NRG1: variants seen among roughly 807,000 people sequenced by gnomAD.
NRG1 encodes pro-neuregulin-1, membrane-bound isoform.
Under a neutral mutation model 63.8 loss-of-function variants are expected in NRG1, and 18 were observed. That is an observed-to-expected ratio of 0.28 (90% CI 0.19 to 0.42). The LOEUF is 0.42. Among genes scored for constraint, NRG1 ranks in the 10% least tolerant of loss-of-function variants. The pLI, the probability that NRG1 is intolerant of heterozygous loss-of-function variation, is 1.00. For synonymous variants in NRG1, 302 were observed against 301.3 expected (o/e 1.00, Z -0.02); for missense variants, 762 against 814.7 (o/e 0.94, Z 0.79).
At chr8:32,153,247 GGAA>G (rs1837700167) in intron 1 of NRG1, among the ~76,000 whole-genome samples, 1 of 152,142 alleles carries the variant, frequency 6.6e-6, no homozygotes, top group Admixed American at 6.5e-5. Context: ...CATCAGTTGA[GGAA>G]GAAGAAGCAA....
chr8:32,577,429 T>C (rs1433772476), intron 1 of NRG1, among the ~76,000 whole-genome samples: 1 of 152,218 alleles, frequency 6.6e-6, no homozygotes, highest in East Asian at 1.9e-4. Flanking sequence ...GTCCCTGTCC[T>C]GCCACAGACA....
intron 1 of NRG1, among the ~76,000 whole-genome samples, chr8:31,848,715 T>C (rs929707902): frequency 5.3e-5 from 8 of 152,140 alleles, no homozygotes; most frequent in African/African-American, 1.9e-4. Context: ...ATGCAAGGGA[T>C]CTAGGTTGCA....
intron 1 of NRG1, among the ~76,000 whole-genome samples, chr8:32,054,859 CTTTCTTTTTTTTTTT>C (rs1409517453): frequency 0.011 from 781 of 70,492 alleles, 34 homozygotes; most frequent in African/African-American, 0.041. Context: ...AGATTTCTTT[CTTTCTTTTTTTTTTT>C]TTTTTTTTTT....
Position 32,740,278 on chromosome 8 carries a change from C to T in NRG1, c.633-2397C>T, listed in dbSNP as rs1238983462. 2.0e-5 allele frequency among the ~76,000 whole-genome samples: 3 copies of T among 148,776 alleles called. No homozygotes were observed. In the East Asian group the frequency reaches 6.0e-4, roughly 30 times the overall value. On this transcript the variant is annotated intron_variant, in intron 6 of 11. Coordinates refer to ENST00000356819, the Ensembl canonical transcript of NRG1. ...TGGCACGATCTCAGCTTACTGCAAC[C>T]TCTGCCTCCCGGGTTCAAGTGATTC...
At chr8:32,102,892 A>AC (rs1209839994) in intron 1 of NRG1, among the ~76,000 whole-genome samples, 10 of 151,898 alleles carry the variant, frequency 6.6e-5, no homozygotes, top group Non-Finnish European at 1.3e-4. Context: ...TTTTTTTTTA[A>AC]TTTTTAATTT....
intron 1 of NRG1, among the ~76,000 whole-genome samples, chr8:32,524,067 G>A (rs1318159787): frequency 6.6e-6 from 1 of 151,974 alleles, no homozygotes; most frequent in Non-Finnish European, 1.5e-5. Context: ...CAGGAGGATT[G>A]TTTGAGCTCA....
chr8:31,693,497 T>TAA (rs5890595), intron 1 of NRG1, among the ~76,000 whole-genome samples: 42,912 of 145,224 alleles, frequency 0.3, 6,860 homozygotes, highest in Non-Finnish European at 0.36. Flanking sequence ...TAAAATGCAG[T>TAA]AAAAAAAAAA....
chr8:32,681,636 A>G (rs753860735), intron 5 of NRG1, among the ~76,000 whole-genome samples: 1 of 152,186 alleles, frequency 6.6e-6, no homozygotes, highest in East Asian at 1.9e-4. Context: ...ACAACAAAAC[A>G]GTTTTACAGC....
chr8:32,235,507 A>G lies in NRG1; in HGVS notation c.38-360321A>G, dbSNP rs1554661097. ...TCAAACATCTGTTTACATAAATAGCATCTTCTTATAAAAAAATACAAATTC... is the reference window on the plus strand; with the variant it reads ...TCAAACATCTGTTTACATAAATAGCGTCTTCTTATAAAAAAATACAAATTC... On this transcript the variant is annotated intron_variant, in intron 1 of 10. Coordinates refer to the NRG1 transcript ENST00000519301. Among the ~76,000 whole-genome samples, 6 of 152,238 alleles carry G rather than the reference A, an allele frequency of 3.9e-5. No individual in the cohort carries two copies. In the South Asian group the frequency reaches 6.2e-4, roughly 16 times the overall value.
chr8:32,720,559 T>C (rs895582190), intron 5 of NRG1, among the ~76,000 whole-genome samples: 11 of 152,184 alleles, frequency 7.2e-5, no homozygotes, highest in Non-Finnish European at 1.3e-4. Flanking sequence ...GTAGAAAATA[T>C]GTAGCAGAAC....
At chr8:32,056,315 G>C (rs1822929326) in intron 1 of NRG1, among the ~76,000 whole-genome samples, 1 of 152,086 alleles carries the variant, frequency 6.6e-6, no homozygotes, top group African/African-American at 2.4e-5. Context: ...TACCTGGCTG[G>C]CCTTGCCGAG....
intron 1 of NRG1, among the ~76,000 whole-genome samples, chr8:32,180,794 A>G (rs893098769): frequency 6.6e-6 from 1 of 152,028 alleles, no homozygotes; most frequent in African/African-American, 2.4e-5. Flanking sequence ...GCAATTTTTG[A>G]CTGTGTGCTG....
At chr8:31,717,324 T>C (rs1324327088) in intron 1 of NRG1, among the ~76,000 whole-genome samples, 1 of 151,258 alleles carries the variant, frequency 6.6e-6, no homozygotes, top group African/African-American at 2.4e-5. Flanking sequence ...GGAGAATCAC[T>C]TGAACCCAGG....
chr8:31,950,997 C>T (rs1044455648), intron 1 of NRG1, among the ~76,000 whole-genome samples: 5 of 152,120 alleles, frequency 3.3e-5, no homozygotes, highest in African/African-American at 7.2e-5. Flanking sequence ...TAGGATAATG[C>T]GGTGCATTAC....
At chr8:32,586,133 T>C (rs1841564667) in intron 1 of NRG1, among the ~76,000 whole-genome samples, 1 of 144,626 alleles carries the variant, frequency 6.9e-6, no homozygotes, top group African/African-American at 2.6e-5. Context: ...CTATTATTAT[T>C]CAAAGGTGTT....
chr8:31,752,189 T>C (rs1009716736), intron 1 of NRG1, among the ~76,000 whole-genome samples: 1 of 152,042 alleles, frequency 6.6e-6, no homozygotes, highest in Non-Finnish European at 1.5e-5. Context: ...GACTGTTTTG[T>C]GGAAGGCAAG....
rs927124548 is a variant in NRG1, at chr8:32,551,823, T to C, written c.100+2997T>C. ...AGCCCTGTAACAGCCTGGGTCTCCT[T>C]GGTGCTGGACCTCCCATATCCAGCC... On this transcript the variant is annotated intron_variant, in intron 1 of 11. Transcript: ENST00000356819. Among the ~76,000 whole-genome samples, 6 of 152,034 alleles carry C rather than the reference T, an allele frequency of 3.9e-5. No homozygotes were observed. The South Asian group carries it at 6.2e-4, about 16-fold the overall frequency.
intron 1 of NRG1, among the ~76,000 whole-genome samples, chr8:32,355,254 T>C (rs1009178369): frequency 6.6e-6 from 1 of 151,468 alleles, no homozygotes; most frequent in Non-Finnish European, 1.5e-5. Flanking sequence ...AGCTCAGGAG[T>C]TCAAAACCAG....
chr8:32,711,243 A>G (rs1817732587), intron 5 of NRG1, among the ~76,000 whole-genome samples: 1 of 150,282 alleles, frequency 6.7e-6, no homozygotes, highest in Admixed American at 6.6e-5. Context: ...TTTTTTTCCA[A>G]CTGTGAGAAA....
Sources: allele counts gnomAD v4.1 joint callset (sites outside exome capture counted in the v4.1 genomes callset), GRCh38; gene constraint gnomAD v4.1.1; transcripts MANE v1.5; gene names NCBI Gene and HGNC (gene_info 2026-07-23, HGNC 2026-07-21).